The following IQSEC3 variants were observed in gnomAD, a reference collection of about 807,000 sequenced individuals.
The protein encoded by IQSEC3 is IQ motif and Sec7 domain ArfGEF 3.
IQSEC3 carries 50 observed loss-of-function variants against 105.4 expected under a neutral mutation model. The ratio of observed to expected loss-of-function variants is 0.47; its 90% CI spans 0.38 to 0.60. IQSEC3 has a LOEUF of 0.60. Among genes scored for constraint, IQSEC3 ranks in the 20% least tolerant of loss-of-function variants. The pLI is 0.00. For synonymous variants in IQSEC3, 708 were observed against 746.0 expected, an observed-to-expected ratio of 0.95 and a Z score of 0.83; for missense variants, 1,415 against 1,630.0, an observed-to-expected ratio of 0.87 and a Z score of 2.27.
chr12:138,726 G>C lies in IQSEC3; in HGVS notation c.1363G>C (p.Ala455Pro). 2 of 1,496,252 alleles carry C rather than the reference G, an allele frequency of 1.3e-6. No individual in the cohort carries two copies. Among genetic ancestry groups the C allele is most frequent in the Non-Finnish European group, 1.8e-6 (2 of 1,128,716 alleles). The allele number at this position is 1,496,252 out of a possible 1,614,324, so 92.7% of individuals were successfully genotyped here. A position where few individuals can be genotyped will look rare whatever the true frequency, so the allele number is the denominator to read the frequency against. Residue 455 changes from alanine to proline, a missense_variant, in exon 4 of 14, where the codon GCG (alanine) becomes CCG (proline). Transcript: ENST00000538872. The surrounding 1 kb of genome is among the most constrained non-coding windows in gnomAD (Gnocchi z 7.1). The part of the protein sequence containing the change: ...GPPGLEAEGR[A>P]PESAGPGPGD... ...CCCAGGCCTGGAGGCCGAGGGGCGG[G>C]CGCCGGAGAGCGCGGGCCCCGGGCC...
chr12:82,388 G>C (rs572175775), intron 1 of IQSEC3, among the ~76,000 whole-genome samples: 3 of 152,322 alleles, frequency 2.0e-5, no homozygotes, highest in African/African-American at 7.2e-5. Flanking sequence ...GGGAGGAATT[G>C]TAGAAAGTTC....
At chr12:174,470 A>C in intron 13 of IQSEC3, 129 bp from the exon 14 acceptor site, 1 of 821,360 alleles carries the variant, frequency 1.2e-6, no homozygotes, top group Non-Finnish European at 1.8e-6. Context: ...GTGGGTGGAG[A>C]GATGGCGAGA....
chr12:88,771 C>T (rs1863994429), intron 1 of IQSEC3, among the ~76,000 whole-genome samples: 2 of 152,212 alleles, frequency 1.3e-5, no homozygotes, highest in African/African-American at 4.8e-5. Flanking sequence ...TCTCCCTCCA[C>T]AGCCCCCAGG....
rs1555094818 is a variant in IQSEC3, at chr12:157,562, C to G, written c.2311C>G (p.Gln771Glu). 1.2e-6 allele frequency: 2 copies of G among 1,614,174 alleles called. No homozygotes were observed. Among genetic ancestry groups the G allele is most frequent in the South Asian group, 1.1e-5 (1 of 91,068 alleles). Residue 771 changes from glutamine (Q) to glutamate (E), a missense_variant, in exon 7 of 14, where the codon CAG (glutamine) becomes GAG (glutamate). Transcript: ENST00000538872. ...RYCMCNPEVV[Q>E]QFHNPDTIFI... ...CTGCATGTGCAACCCCGAAGTGGTTCAGCAGTTCCACAACCCCGACACCAT... is the reference window on the plus strand; with the variant it reads ...CTGCATGTGCAACCCCGAAGTGGTTGAGCAGTTCCACAACCCCGACACCAT...
intron 5 of IQSEC3, among the ~76,000 whole-genome samples, chr12:149,350 C>T (rs1866412931): frequency 6.6e-6 from 1 of 152,132 alleles, no homozygotes; most frequent in African/African-American, 2.4e-5. Context: ...CTCCACACTG[C>T]CTCACTGCCT....
Position 139,142 on chromosome 12 carries a change from C to T in IQSEC3, c.1779C>T (p.Asp593=), listed in dbSNP as rs978334883. The part of the protein sequence containing the change: ...VGRGAEAEAG[D]LEQLSSSSTS... ...GAGGGGCCGAGGCCGAGGCAGGCGA[C>T]TTGGAGCAGCTGAGCAGCAGCAGCA... Residue 593 remains aspartate (D), a synonymous_variant, in exon 4 of 14, where the codon GAC becomes GAT. Transcript: ENST00000538872. 3 of 1,535,300 alleles carry T rather than the reference C, an allele frequency of 2.0e-6. No individual in the cohort carries two copies. The highest frequency in any genetic ancestry group is 2.6e-6 in the Non-Finnish European group (3 of 1,140,078).
chr12:162,743 T>A (rs963378549), intron 8 of IQSEC3, among the ~76,000 whole-genome samples: 4 of 152,126 alleles, frequency 2.6e-5, no homozygotes, highest in Non-Finnish European at 5.9e-5. Flanking sequence ...ATCTGTCGGG[T>A]TGCAAGCGAC....
intron 1 of IQSEC3, among the ~76,000 whole-genome samples, chr12:73,429 G>C (rs1183191784): frequency 1.3e-4 from 20 of 152,268 alleles, no homozygotes; most frequent in African/African-American, 3.9e-4. Flanking sequence ...TATTTCTACA[G>C]ATAAAGAAAC....
At chr12:86,166 G>T (rs903945279) in intron 1 of IQSEC3, among the ~76,000 whole-genome samples, 1 of 152,206 alleles carries the variant, frequency 6.6e-6, no homozygotes, top group Non-Finnish European at 1.5e-5. Context: ...GCTGCTGAAG[G>T]AGTTCAGAGG....
chr12:162,982 T>A (rs1384529373), intron 8 of IQSEC3, among the ~76,000 whole-genome samples: 1 of 152,056 alleles, frequency 6.6e-6, no homozygotes, highest in Non-Finnish European at 1.5e-5. Context: ...TATCCCCTCA[T>A]TTACTGTGGC....
Position 175,361 on chromosome 12 carries a change from G to T in IQSEC3, c.*328G>T. ...AGAAAACGAGCTGAGGGTCTAACGA[G>T]CTTGCAGGCTTTGAGTCTGTTAGTG... On this transcript the variant is annotated 3_prime_UTR_variant, in exon 14 of 14. Coordinates refer to ENST00000538872, the MANE Select transcript of IQSEC3 (RefSeq NM_001170738.2). The T allele has an allele frequency of 3.3e-6, 1 of 301,322 alleles. No individual in the cohort carries two copies. 18.7% of individuals were successfully genotyped at this position (301,322 alleles called of 1,614,324 possible).
At position 176,973 on chromosome 12, in the gene IQSEC3, G is replaced by A. The variant is rs540428557; in HGVS notation, c.*1940G>A. On this transcript the variant is annotated 3_prime_UTR_variant, in exon 14 of 14. Transcript: ENST00000538872. This position sits in a 1 kb window ranked among gnomAD's most constrained non-coding sequence, Gnocchi z 4.0. ...GTGGAGCTGTGGGGATGGGAGTGGA[G>A]GAATCAAAATGAGGGAAGCTGAAAA... is the stretch of plus-strand genomic sequence containing the variant. The A allele has an allele frequency of 8.7e-4, 132 of 152,502 alleles. 2 individuals are homozygous for A. Among genetic ancestry groups the A allele is most frequent in the Non-Finnish European group, 1.6e-4 (11 of 68,132 alleles). The allele number at this position is 152,502 out of a possible 1,614,324, so 9.4% of individuals were successfully genotyped here. A position where few individuals can be genotyped will look rare whatever the true frequency, so the allele number is the denominator to read the frequency against.
Position 139,077 on chromosome 12 carries a change from G to C in IQSEC3, c.1714G>C (p.Glu572Gln). 6.7e-7 allele frequency: 1 copy of C among 1,489,902 alleles called. No individual in the cohort carries two copies. Among genetic ancestry groups the C allele is most frequent in the Non-Finnish European group, 8.9e-7 (1 of 1,119,282 alleles). The allele number at this position is 1,489,902 out of a possible 1,614,324, so 92.3% of individuals were successfully genotyped here. The change falls in exon 4 of 14, where the codon GAG (glutamate) becomes CAG (glutamine). Residue 572 changes from glutamate (E) to glutamine (Q), a missense_variant. Physicochemically the swap from Glu to Gln is conservative, Grantham distance 29. Transcript: ENST00000538872. ...AADGATAPKT[E>Q]EEEEEEETAE... is the part of the protein sequence containing the mutation. ...GGATGGGGCCACAGCCCCCAAAACA[G>C]AGGAGGAAGAGGAGGAGGAGGAGAC...
At chr12:131,995 A>G (rs1265832039) in intron 3 of IQSEC3, among the ~76,000 whole-genome samples, 1 of 151,972 alleles carries the variant, frequency 6.6e-6, no homozygotes, top group East Asian at 1.9e-4. Flanking sequence ...GCTCTGTTGG[A>G]GCCTGGGGGA....
Position 123,072 on chromosome 12 carries a change from A to G in IQSEC3, c.624-2561A>G, listed in dbSNP as rs1174834842. On this transcript the variant is annotated intron_variant, in intron 2 of 13. Coordinates refer to ENST00000538872, the MANE Select transcript of IQSEC3 (RefSeq NM_001170738.2). ...GCAAGAGAGGTTGAAGTTAGAGCTT[A>G]AAAAGAACTTCCCAGTGACACTAGT... is the stretch of plus-strand genomic sequence containing the variant. Among the ~76,000 whole-genome samples, 8 of 152,272 alleles carry G rather than the reference A, an allele frequency of 5.3e-5. 1 individual carries two copies. The highest frequency in any genetic ancestry group is 4.6e-4 in the Admixed American group (7 of 15,290).
intron 3 of IQSEC3, among the ~76,000 whole-genome samples, chr12:137,780 A>G (rs560599824): frequency 6.6e-6 from 1 of 151,488 alleles, no homozygotes; most frequent in African/African-American, 2.4e-5. Context: ...CAGCCTTCCC[A>G]GTAGCTGAGG....
In IQSEC3 at chr12:138,527, G is replaced by A. The variant is rs1555087332; in HGVS notation, c.1164G>A (p.Pro388=). Reference sequence around the variant, plus strand: ...CGCTGGTGCGCTCGCCCTCCCTGCCGCCCACCTTCGCAGGCACCCTCACCG... The same window carrying A: ...CGCTGGTGCGCTCGCCCTCCCTGCCACCCACCTTCGCAGGCACCCTCACCG... ...GLPLVRSPSL[P]PTFAGTLTEL... The change falls in exon 4 of 14, where the codon CCG becomes CCA. Residue 388 remains proline (P), a synonymous_variant. Coordinates refer to ENST00000538872, the MANE Select transcript of IQSEC3 (RefSeq NM_001170738.2). The surrounding 1 kb of genome is among the most constrained non-coding windows in gnomAD (Gnocchi z 7.1). 2 of 1,577,064 alleles carry A rather than the reference G, an allele frequency of 1.3e-6. No homozygotes were observed. Among genetic ancestry groups the A allele is most frequent in the Non-Finnish European group, 1.7e-6 (2 of 1,168,502 alleles).
chr12:162,181 T>C (rs1866922841), intron 8 of IQSEC3, 116 bp downstream of exon 8: 4 of 1,216,330 alleles, frequency 3.3e-6, no homozygotes, highest in Non-Finnish European at 4.6e-6. Context: ...ATTCACATGA[T>C]AGTTATGAAG....
intron 7 of IQSEC3, among the ~76,000 whole-genome samples, chr12:159,275 C>T (rs914855972): frequency 3.3e-5 from 5 of 152,184 alleles, no homozygotes; most frequent in African/African-American, 1.2e-4. Context: ...GGAGGTGGTG[C>T]GGGAGAGTCA....
Sources: allele counts gnomAD v4.1 joint callset (sites outside exome capture counted in the v4.1 genomes callset), GRCh38; gene constraint gnomAD v4.1.1; non-coding constraint Gnocchi (gnomAD v3.1); transcripts MANE v1.5; gene names NCBI Gene and HGNC (gene_info 2026-07-23, HGNC 2026-07-21).